Variants in PCDH11X observed in about 807,000 individuals in gnomAD.
PCDH11X encodes protocadherin 11 X-linked, also known as protocadherin-11 X-linked.
A neutral mutation model predicts 53.3 loss-of-function variants in PCDH11X; 18 were observed. That is an observed-to-expected ratio of 0.34 (90% CI 0.23 to 0.50). The LOEUF (loss-of-function observed/expected upper bound fraction) is 0.50. Among genes scored for constraint, PCDH11X ranks in the 20% least tolerant of loss-of-function variants. PCDH11X has a pLI of 0.98. For missense variants in PCDH11X, 570 were observed against 1,032.4 expected (o/e 0.55, Z 6.14); for synonymous variants, 279 against 393.3 (o/e 0.71, Z 3.44).
At chrX:92,188,889 A>G (rs1192662086) in intron 6 of PCDH11X, among the ~76,000 whole-genome samples, 1 of 111,344 alleles carries the variant, frequency 9.0e-6, no homozygotes, top group Non-Finnish European at 1.9e-5. Context: ...CAATGCAATC[A>G]CAGATTTATG....
intron 10 of PCDH11X, among the ~76,000 whole-genome samples, chrX:92,523,544 A>G (rs188638899): frequency 0.016 from 1,740 of 111,898 alleles, 38 homozygotes; most frequent in African/African-American, 0.053. Flanking sequence ...ACTGAAGGTC[A>G]CAGGATATGT....
intron 6 of PCDH11X, among the ~76,000 whole-genome samples, chrX:92,002,588 A>G (rs910035502): frequency 4.6e-5 from 5 of 109,784 alleles, no homozygotes; most frequent in Non-Finnish European, 7.6e-5. Context: ...TCGATGTTTC[A>G]TAGTTTTATC....
intron 10 of PCDH11X, among the ~76,000 whole-genome samples, chrX:92,486,054 G>A (rs1255666071): frequency 4.5e-5 from 5 of 110,228 alleles, no homozygotes; most frequent in Admixed American, 1.9e-4. Flanking sequence ...TTTGATGGCT[G>A]TTGTTATTAT....
chrX:92,241,833 C>G, intron 7 of PCDH11X, among the ~76,000 whole-genome samples: 1 of 111,732 alleles, frequency 8.9e-6, no homozygotes, highest in Non-Finnish European at 1.9e-5. Flanking sequence ...AAAGAGATCT[C>G]CTGGTTTTCT....
chrX:91,834,488 A>G (rs1268504251), intron 4 of PCDH11X, among the ~76,000 whole-genome samples: 1 of 107,984 alleles, frequency 9.3e-6, no homozygotes, highest in Non-Finnish European at 1.9e-5. Flanking sequence ...TTGAAGTTGT[A>G]TAATTCCTGT....
chrX:92,204,801 T>C (rs1348413723), intron 7 of PCDH11X, among the ~76,000 whole-genome samples: 1 of 111,951 alleles, frequency 8.9e-6, no homozygotes. Context: ...GGGTTTTAAT[T>C]GACTCACATT....
intron 8 of PCDH11X, among the ~76,000 whole-genome samples, chrX:92,295,127 C>T (rs1256405531): frequency 1.9e-5 from 2 of 105,236 alleles, no homozygotes; most frequent in Non-Finnish European, 3.9e-5. Flanking sequence ...TGAATAGTAA[C>T]TTAAATTTTG....
chrX:92,319,053 T>C (rs1321068043), intron 8 of PCDH11X, among the ~76,000 whole-genome samples: 1 of 112,418 alleles, frequency 8.9e-6, no homozygotes, highest in Non-Finnish European at 1.9e-5. Flanking sequence ...TTTGCAAGCA[T>C]TTTGCAAGCA....
At chrX:92,147,843 C>CTTTCTTTT (rs1556066304) in intron 6 of PCDH11X, among the ~76,000 whole-genome samples, 1 of 97,573 alleles carries the variant, frequency 1.0e-5, no homozygotes, top group Admixed American at 1.1e-4. Flanking sequence ...TTCTTTCTTT[C>CTTTCTTTT]TTTCTTTCTT....
intron 6 of PCDH11X, among the ~76,000 whole-genome samples, chrX:92,041,461 G>T (rs1021726605): frequency 4.5e-5 from 5 of 110,652 alleles, no homozygotes; most frequent in Non-Finnish European, 9.4e-5. Flanking sequence ...ATTCAAACAT[G>T]TAGTGTTTTG....
chrX:91,884,374 A>G (rs1296698273), intron 6 of PCDH11X, among the ~76,000 whole-genome samples: 2 of 110,678 alleles, frequency 1.8e-5, no homozygotes, highest in Non-Finnish European at 3.8e-5. Context: ...TACGAAACAT[A>G]ATTCCAGTCA....
chrX:92,307,877 C>A (rs1351960006), intron 8 of PCDH11X, among the ~76,000 whole-genome samples: 1 of 109,708 alleles, frequency 9.1e-6, no homozygotes, highest in Non-Finnish European at 1.9e-5. Flanking sequence ...AATGAGCACA[C>A]AAAAATATTT....
chrX:92,264,438 G>T (rs2067781346), intron 8 of PCDH11X, among the ~76,000 whole-genome samples: 1 of 111,548 alleles, frequency 9.0e-6, no homozygotes, highest in African/African-American at 3.3e-5. Context: ...AGCAAGGGTA[G>T]TAAAATGTCA....
chrX:92,341,675 C>CCTA (rs2069763432), intron 8 of PCDH11X, among the ~76,000 whole-genome samples: 1 of 111,230 alleles, frequency 9.0e-6, no homozygotes, highest in African/African-American at 3.3e-5. Flanking sequence ...GCAAGGACAA[C>CCTA]ACCAATAGGA....
chrX:92,280,174 C>T (rs1418267435), intron 8 of PCDH11X, among the ~76,000 whole-genome samples: 1 of 111,975 alleles, frequency 8.9e-6, no homozygotes, highest in African/African-American at 3.2e-5. Context: ...GTGTAGTAGG[C>T]TACATCATTT....
At chrX:91,936,123 G>A (rs1255043745) in intron 6 of PCDH11X, among the ~76,000 whole-genome samples, 1 of 104,508 alleles carries the variant, frequency 9.6e-6, no homozygotes, top group Non-Finnish European at 2.0e-5. Context: ...GCTGAGGAGG[G>A]AGCCCATTCA....
At chrX:92,124,609 A>G (rs1194941106) in intron 6 of PCDH11X, among the ~76,000 whole-genome samples, 1 of 108,681 alleles carries the variant, frequency 9.2e-6, no homozygotes, top group Non-Finnish European at 1.9e-5. Context: ...TGGAGATGAC[A>G]TTCTGGATCT....
At chrX:91,842,425 A>G (rs1569407694) in intron 5 of PCDH11X, among the ~76,000 whole-genome samples, 1 of 107,703 alleles carries the variant, frequency 9.3e-6, no homozygotes, top group Non-Finnish European at 1.9e-5. Flanking sequence ...TCACCAATCT[A>G]TTCTACAAAT....
intron 10 of PCDH11X, among the ~76,000 whole-genome samples, chrX:92,587,047 T>C (rs1924470023): frequency 1.1e-5 from 1 of 90,316 alleles, no homozygotes; most frequent in Non-Finnish European, 2.1e-5. Context: ...TAAAACACAA[T>C]ATTGACAGTC....
Sources: allele counts gnomAD v4.1 joint callset (sites outside exome capture counted in the v4.1 genomes callset), GRCh38; gene constraint gnomAD v4.1.1; transcripts MANE v1.5; gene names NCBI Gene and HGNC (gene_info 2026-07-23, HGNC 2026-07-21).